NCAPH: variants seen among roughly 807,000 people sequenced by gnomAD.
The protein encoded by NCAPH is condensin complex subunit 2.
NCAPH carries 38 observed loss-of-function variants against 85.5 expected under a neutral mutation model. The observed-to-expected ratio is 0.44, with a 90% CI of 0.34 to 0.58. The LOEUF (loss-of-function observed/expected upper bound fraction) is 0.58, where lower values mean the gene tolerates loss of function less well. NCAPH is among the 20% of genes least tolerant of loss of function. The probability of loss-of-function intolerance (pLI) is 0.01; values close to 1 mark genes in which losing one functional copy is unlikely to be tolerated. For missense variants in NCAPH, 789 were observed against 916.6 expected (o/e 0.86, Z 1.80); for synonymous variants, 301 against 335.1 (o/e 0.90, Z 1.11).
At chr2:96,357,268 G>A (rs1409804215) in intron 9 of NCAPH, among the ~76,000 whole-genome samples, 3 of 152,202 alleles carry the variant, frequency 2.0e-5, no homozygotes, top group Admixed American at 1.3e-4. Context: ...ATATTATGGG[G>A]AGGGGATAGA....
intron 6 of NCAPH, among the ~76,000 whole-genome samples, chr2:96,349,703 G>A (rs987869545): frequency 6.6e-6 from 1 of 152,182 alleles, no homozygotes; most frequent in Non-Finnish European, 1.5e-5. Context: ...GCAAATGTGT[G>A]GGTGTGTCTA....
chr2:96,346,993 A>G (rs1172037347), intron 6 of NCAPH, among the ~76,000 whole-genome samples: 1 of 152,348 alleles, frequency 6.6e-6, no homozygotes, highest in East Asian at 1.9e-4. Context: ...GTAATGAGCC[A>G]TAAACTAATA....
intron 1 of NCAPH, among the ~76,000 whole-genome samples, chr2:96,336,665 G>A (rs2064218606): frequency 6.6e-6 from 1 of 152,160 alleles, no homozygotes; most frequent in Non-Finnish European, 1.5e-5. Flanking sequence ...CAGGTGAAGG[G>A]ATCTATAATC....
chr2:96,337,459 G>A (rs1299012070), intron 1 of NCAPH, among the ~76,000 whole-genome samples: 3 of 151,984 alleles, frequency 2.0e-5, no homozygotes, highest in South Asian at 2.1e-4. Context: ...TCGCTCTATC[G>A]CCCAGGCTGG....
At chr2:96,344,314 G>T in intron 6 of NCAPH, 85 bp downstream of exon 6, 1 of 1,466,278 alleles carries the variant, frequency 6.8e-7, no homozygotes, top group Non-Finnish European at 9.1e-7. Flanking sequence ...CTGCCTTGCT[G>T]GTATGTGCCT....
chr2:96,343,263 A>G lies in NCAPH; in HGVS notation c.554A>G (p.Lys185Arg). Residue 185 changes from lysine (K) to arginine (R), a missense_variant, in exon 5 of 18, where the codon AAA becomes AGA. Transcript: ENST00000240423. ...DVYRVLGGLG[K>R]DAPSLEEVEG... The stretch of plus-strand genomic sequence containing the variant: ...TACAGAGTCCTTGGGGGGCTGGGCA[A>G]AGATGCACCGTCTTTGGAAGAAGTA... 1 of 1,613,652 alleles carries G rather than the reference A, an allele frequency of 6.2e-7. No homozygotes were observed. The highest frequency in any genetic ancestry group is 8.5e-7 in the Non-Finnish European group (1 of 1,179,712).
chr2:96,366,693 A>C lies in NCAPH; in HGVS notation c.1882-564A>C, dbSNP rs2064704137. Among the ~76,000 whole-genome samples, 3 of 152,084 alleles carry C rather than the reference A, an allele frequency of 2.0e-5. No homozygotes were observed. The South Asian group carries it at 6.2e-4, about 32-fold the overall frequency. On this transcript the variant is annotated intron_variant, in intron 14 of 17. Coordinates refer to ENST00000240423, the MANE Select transcript of NCAPH (RefSeq NM_015341.5). ...GGAGTTCGAGACCAGCCCGGCCAAC[A>C]TGGTGAAACCCCGTCTTTAATAAAA...
At chr2:96,355,260 A>G (rs989216375) in intron 9 of NCAPH, among the ~76,000 whole-genome samples, 2 of 152,180 alleles carry the variant, frequency 1.3e-5, no homozygotes, top group Admixed American at 6.5e-5. Context: ...ATGGTCCTGT[A>G]AAGGTCTTCA....
chr2:96,362,437 C>T (rs992908144), intron 12 of NCAPH, among the ~76,000 whole-genome samples: 6 of 152,170 alleles, frequency 3.9e-5, no homozygotes, highest in Admixed American at 2.0e-4. Flanking sequence ...TGAGACCAGC[C>T]TGAGCAACAT....
intron 2 of NCAPH, 38 bp downstream of exon 2, chr2:96,341,932 G>C: frequency 6.2e-7 from 1 of 1,604,284 alleles, no homozygotes; most frequent in Non-Finnish European, 8.5e-7. Flanking sequence ...TGAGGCAGCC[G>C]CCTTGATATG....
intron 13 of NCAPH, 142 bp from the exon 14 acceptor site, chr2:96,365,734 C>T (rs2064688655): frequency 1.6e-5 from 13 of 810,280 alleles, no homozygotes; most frequent in South Asian, 1.3e-4. Flanking sequence ...ACTAGAGGCA[C>T]CTAGAAGTTC....
chr2:96,342,281 T>C (rs1459371815), intron 3 of NCAPH, 141 bp downstream of exon 3: 1 of 825,748 alleles, frequency 1.2e-6, no homozygotes, highest in African/African-American at 1.7e-5. Flanking sequence ...TTTTACTGTT[T>C]ACTCTGGACC....
chr2:96,360,347 A>T (rs2064588039), intron 11 of NCAPH, 98 bp downstream of exon 11: 3 of 843,086 alleles, frequency 3.6e-6, no homozygotes, highest in South Asian at 3.5e-5. Flanking sequence ...GAGCAAACAG[A>T]TGGTTTCATT....
At chr2:96,371,440 C>G (rs919587965) in intron 17 of NCAPH, among the ~76,000 whole-genome samples, 2 of 152,208 alleles carry the variant, frequency 1.3e-5, no homozygotes, top group African/African-American at 2.4e-5. Flanking sequence ...GGCTTCATGG[C>G]CCTCACTTGT....
chr2:96,340,783 CT>C (rs745890722), intron 1 of NCAPH, among the ~76,000 whole-genome samples: 1,973 of 124,052 alleles, frequency 0.016, 92 homozygotes, highest in Admixed American at 0.11. Context: ...CATGTCCGGC[CT>C]TTTTTTTTTT....
In NCAPH at chr2:96,374,540, TGAA is replaced by T. The variant is rs2064812061; in HGVS notation, c.*1191_*1193del. Among the ~76,000 whole-genome samples, 1 of 152,210 alleles carries T rather than the reference TGAA, an allele frequency of 6.6e-6. No homozygotes were observed. The highest frequency in any genetic ancestry group is 1.5e-5 in the Non-Finnish European group (1 of 68,038). ...GATCTTGGATATAGGCCAGAAGCAG[TGAA>T]GTATATAATTGGAAATTGCTCCTGA... On this transcript the variant is annotated 3_prime_UTR_variant, in exon 18 of 18. Transcript: ENST00000240423.
At chr2:96,364,080 GTGT>G in intron 12 of NCAPH, among the ~76,000 whole-genome samples, 1 of 152,158 alleles carries the variant, frequency 6.6e-6, no homozygotes, top group Non-Finnish European at 1.5e-5. Context: ...GGGATTACAG[GTGT>G]GAGTCACCGT....
chr2:96,358,208 G>A (rs1312625879), intron 9 of NCAPH, among the ~76,000 whole-genome samples: 2 of 152,228 alleles, frequency 1.3e-5, no homozygotes, highest in Non-Finnish European at 2.9e-5. Context: ...AATAAAGCTG[G>A]ATGACCTAAC....
intron 14 of NCAPH, 103 bp downstream of exon 14, chr2:96,366,161 G>A (rs2104493645): frequency 7.8e-7 from 1 of 1,282,810 alleles, no homozygotes; most frequent in Non-Finnish European, 1.1e-6. Flanking sequence ...TTTCTTCTCA[G>A]TTTTAACCTG....
Sources: allele counts gnomAD v4.1 joint callset (sites outside exome capture counted in the v4.1 genomes callset), GRCh38; gene constraint gnomAD v4.1.1; transcripts MANE v1.5; gene names NCBI Gene and HGNC (gene_info 2026-07-23, HGNC 2026-07-21).